MYO1H: variants seen among roughly 807,000 people sequenced by gnomAD.
MYO1H encodes myosin IH, also known as unconventional myosin-Ih.
A neutral mutation model predicts 149.3 loss-of-function variants in MYO1H; 118 were observed. That is an observed-to-expected ratio of 0.79 (90% CI 0.68 to 0.92). The LOEUF (loss-of-function observed/expected upper bound fraction) is 0.92. Among genes scored for constraint, MYO1H ranks in the 40% least tolerant of loss-of-function variants. MYO1H has a pLI of 0.00. For missense variants in MYO1H, 1,212 were observed against 1,280.7 expected (o/e 0.95, Z 0.82); for synonymous variants, 447 against 465.2 (o/e 0.96, Z 0.50).
At chr12:109,331,033 G>T in the MYO1H span, among the ~76,000 whole-genome samples, 13 of 152,268 alleles carry the variant, frequency 8.5e-5, no homozygotes, top group East Asian at 2.5e-3. Flanking sequence ...TTTGGGCATG[G>T]CGTTATGCCA....
At chr12:109,320,325 A>G in the MYO1H span, among the ~76,000 whole-genome samples, 1 of 151,674 alleles carries the variant, frequency 6.6e-6, no homozygotes, top group Admixed American at 6.6e-5. Context: ...AAAGAAAAAA[A>G]CGGGCCAGAC....
intron 1 of MYO1H, among the ~76,000 whole-genome samples, chr12:109,380,239 G>A (rs1251588664): frequency 6.6e-6 from 1 of 152,082 alleles, no homozygotes; most frequent in Non-Finnish European, 1.5e-5. Flanking sequence ...AGGAGGATGA[G>A]AATGCAGAAG....
At chr12:109,422,367 C>T (rs1048480101) in intron 16 of MYO1H, among the ~76,000 whole-genome samples, 16 of 152,170 alleles carry the variant, frequency 1.1e-4, no homozygotes, top group African/African-American at 3.9e-4. Flanking sequence ...TTTGGATCCA[C>T]CAGACAGTCG....
intron 1 of MYO1H, among the ~76,000 whole-genome samples, chr12:109,370,992 G>A (rs895572301): frequency 3.3e-5 from 5 of 152,116 alleles, no homozygotes; most frequent in Admixed American, 2.0e-4. Flanking sequence ...TAAAGAAATA[G>A]GGTGAAGAGA....
chr12:109,364,171 T>TAAAA (rs746308903), intron 1 of MYO1H, among the ~76,000 whole-genome samples: 7 of 90,264 alleles, frequency 7.8e-5, no homozygotes, highest in African/African-American at 2.4e-4. Flanking sequence ...ACCATGTCTT[T>TAAAA]AAAAAAAAAA....
chr12:109,392,438 C>T lies in MYO1H; in HGVS notation c.175-893C>T, dbSNP rs1400340420. Among the ~76,000 whole-genome samples, 12 of 152,168 alleles carry T rather than the reference C, an allele frequency of 7.9e-5. 1 individual carries two copies. The East Asian group carries it at 1.2e-3, about 15-fold the overall frequency. On this transcript the variant is annotated intron_variant, in intron 2 of 31. Coordinates refer to ENST00000310903, the Ensembl canonical transcript of MYO1H. ...GGTGTCACCTCCTTAAAGAAGTCTT[C>T]CCGGCCAGGCGCGGTGGCTCACACC...
chr12:109,383,728 A>C (rs2137027577), intron 1 of MYO1H, among the ~76,000 whole-genome samples: 1 of 152,326 alleles, frequency 6.6e-6, no homozygotes, highest in South Asian at 2.1e-4. Context: ...ACTGCAAGGG[A>C]GTTTGTAAAT....
Position 109,397,470 on chromosome 12 carries a change from T to G in MYO1H, c.490-262T>G, listed in dbSNP as rs184208726. On this transcript the variant is annotated intron_variant, in intron 4 of 31. Transcript: ENST00000310903. Reference sequence around the variant, plus strand: ...ATGGGGCTAGGGTTCTATGTACCCCTCCTGAGACCATTTCCAATATATTCC... The same window carrying G: ...ATGGGGCTAGGGTTCTATGTACCCCGCCTGAGACCATTTCCAATATATTCC... Among the ~76,000 whole-genome samples the G allele has an allele frequency of 1.5e-3, 232 of 152,288 alleles. 1 individual carries two copies. The highest frequency in any genetic ancestry group is 9.0e-3 in the Admixed American group (138 of 15,302).
intron 1 of MYO1H, among the ~76,000 whole-genome samples, chr12:109,353,162 G>A (rs943289030): frequency 9.9e-5 from 15 of 152,144 alleles, no homozygotes; most frequent in African/African-American, 3.4e-4. Flanking sequence ...TTGGGAGGCC[G>A]AAGTGGATGG....
chr12:109,445,089 G>A (rs1031270142), intron 30 of MYO1H, among the ~76,000 whole-genome samples: 1 of 152,192 alleles, frequency 6.6e-6, no homozygotes, highest in Non-Finnish European at 1.5e-5. Flanking sequence ...ATATCCTGGA[G>A]AGCTGTTTCT....
At chr12:109,410,652 A>G (rs1870623465) in intron 12 of MYO1H, 36 bp from the exon 13 acceptor site, 1 of 1,457,442 alleles carries the variant, frequency 6.9e-7, no homozygotes, top group African/African-American at 1.4e-5. Context: ...TCATCTAAAT[A>G]TTTCTTGGAG....
intron 2 of MYO1H, among the ~76,000 whole-genome samples, chr12:109,390,443 A>T (rs1869595992): frequency 6.6e-6 from 1 of 152,014 alleles, no homozygotes; most frequent in African/African-American, 2.4e-5. Context: ...GGAGTATATT[A>T]ATTTTTTTTC....
Position 109,363,162 on chromosome 12 carries a change from A to G in MYO1H, c.12+15190A>G, listed in dbSNP as rs76607838. On this transcript the variant is annotated intron_variant, in intron 1 of 31. Coordinates refer to ENST00000310903, the Ensembl canonical transcript of MYO1H. ...GCAGCATGTTGCTTTGTTTGGCACAAAAAAAATTACATGCTAGTTAAATGG... is the reference window on the plus strand; with the variant it reads ...GCAGCATGTTGCTTTGTTTGGCACAGAAAAAATTACATGCTAGTTAAATGG... Among the ~76,000 whole-genome samples, 49 of 152,350 alleles carry G rather than the reference A, an allele frequency of 3.2e-4. No individual in the cohort carries two copies. In the East Asian group the frequency reaches 9.1e-3, roughly 28 times the overall value.
chr12:109,378,755 G>T (rs542333576), intron 1 of MYO1H, among the ~76,000 whole-genome samples: 1 of 150,020 alleles, frequency 6.7e-6, no homozygotes, highest in Non-Finnish European at 1.5e-5. Flanking sequence ...AAGCTAGCAC[G>T]TAGAGAGATT....
chr12:109,433,854 A>G (rs1364667517), intron 20 of MYO1H, among the ~76,000 whole-genome samples: 1 of 152,118 alleles, frequency 6.6e-6, no homozygotes, highest in African/African-American at 2.4e-5. Flanking sequence ...CCCCTGTTCC[A>G]TAAATTGAAA....
exon 4 of MYO1H, chr12:109,396,449 T>C (rs1434965073): frequency 6.2e-7 from 1 of 1,613,982 alleles, no homozygotes; most frequent in Non-Finnish European, 8.5e-7. Context: ...TTCATCCTCA[T>C]TTCTGGAGAG....
At chr12:109,380,710 C>T (rs1257497862) in intron 1 of MYO1H, among the ~76,000 whole-genome samples, 1 of 152,144 alleles carries the variant, frequency 6.6e-6, no homozygotes. Flanking sequence ...ATTTGGAAGG[C>T]CAAGGTGGGC....
chr12:109,318,733 A>G, the MYO1H span, among the ~76,000 whole-genome samples: 1 of 151,648 alleles, frequency 6.6e-6, no homozygotes, highest in Non-Finnish European at 1.5e-5. Flanking sequence ...CCCAGACCAG[A>G]AGCGACTGGG....
chr12:109,407,705 T>A (rs1870455523), intron 9 of MYO1H, 89 bp from the exon 10 acceptor site: 1 of 1,392,782 alleles, frequency 7.2e-7, no homozygotes, highest in African/African-American at 1.5e-5. Flanking sequence ...CTCATTATTT[T>A]ATTTTTTTTT....
Sources: gnomAD v4.1 joint callset for allele counts (sites outside exome capture counted in the v4.1 genomes callset) on GRCh38, gnomAD v4.1.1 for gene constraint, MANE v1.5 for transcripts, NCBI Gene and HGNC (gene_info 2026-07-23, HGNC 2026-07-21) for gene names.